AMZ2: variants seen among roughly 807,000 people sequenced by gnomAD.
AMZ2 encodes archaemetzincin-2.
AMZ2 carries 26 observed loss-of-function variants against 36.7 expected under a neutral mutation model. That is an observed-to-expected ratio of 0.71 (90% CI 0.52 to 0.98). The LOEUF is 0.98. Among genes scored for constraint, AMZ2 ranks in the 50% least tolerant of loss-of-function variants. The pLI is 0.00. For missense variants in AMZ2, 394 were observed against 430.5 expected, an observed-to-expected ratio of 0.92 and a Z score of 0.75; for synonymous variants, 144 against 149.1, an observed-to-expected ratio of 0.97 and a Z score of 0.25.
At chr17:68,213,093 A>G (rs1482399954) in intron 1 of AMZ2, among the ~76,000 whole-genome samples, 2 of 152,240 alleles carry the variant, frequency 1.3e-5, no homozygotes, top group African/African-American at 4.8e-5. Flanking sequence ...GAATGTTATC[A>G]TTGATTTAAC....
chr17:68,221,517 C>T (rs2073366465), intron 1 of AMZ2, among the ~76,000 whole-genome samples: 1 of 151,956 alleles, frequency 6.6e-6, no homozygotes, highest in South Asian at 2.1e-4. Flanking sequence ...ACCACGAGGT[C>T]AGGAGATTGA....
intron 4 of AMZ2, among the ~76,000 whole-genome samples, chr17:68,254,021 A>G (rs1479768913): frequency 6.6e-6 from 1 of 152,246 alleles, no homozygotes; most frequent in Non-Finnish European, 1.5e-5. Context: ...CTAGGATTAC[A>G]ATCGTGAGCC....
intron 1 of AMZ2, chr17:68,248,996 C>T (rs1338247686): frequency 1.2e-5 from 12 of 1,004,778 alleles, no homozygotes; most frequent in East Asian, 3.8e-5. Context: ...TCAACTTTTT[C>T]CTTAATTCAA....
intron 1 of AMZ2, among the ~76,000 whole-genome samples, chr17:68,232,787 T>G (rs1555731602): frequency 6.6e-6 from 1 of 151,988 alleles, no homozygotes. Flanking sequence ...GAGGTTTCAG[T>G]GAGCTGAGAT....
intron 1 of AMZ2, among the ~76,000 whole-genome samples, chr17:68,211,159 T>A (rs74252516): frequency 0.071 from 10,789 of 151,732 alleles, 621 homozygotes; most frequent in East Asian, 0.29. Context: ...GGAGGGGAAA[T>A]GGTTGAGTAG....
rs1302323912 is a variant in AMZ2, at chr17:68,254,383, CTGTT to C, written c.587-17_587-14del. On this transcript the variant is annotated splice_polypyrimidine_tract_variant and intron_variant, in intron 4 of 6. Coordinates refer to ENST00000359904, the MANE Select transcript of AMZ2 (RefSeq NM_016627.5). ...CAGGGACCTTACTCTCATTCTGTCA[CTGTT>C]TGTCCTTTTTTTGTAGGTGTGGGGA... The C allele has an allele frequency of 6.2e-7, 1 of 1,601,378 alleles. No individual in the cohort carries two copies. The highest frequency in any genetic ancestry group is 8.5e-7 in the Non-Finnish European group (1 of 1,176,068).
At chr17:68,224,453 T>C (rs1270117685) in intron 1 of AMZ2, among the ~76,000 whole-genome samples, 1 of 152,238 alleles carries the variant, frequency 6.6e-6, no homozygotes, top group South Asian at 2.1e-4. Context: ...GCCTTACCTA[T>C]AACACCTATG....
chr17:68,225,836 C>G (rs1231046032), intron 1 of AMZ2, among the ~76,000 whole-genome samples: 1 of 152,068 alleles, frequency 6.6e-6, no homozygotes, highest in African/African-American at 2.4e-5. Context: ...GTTGTCCAGG[C>G]CGGTCTCGAA....
chr17:68,209,615 T>TAC (rs1555725328), intron 1 of AMZ2, among the ~76,000 whole-genome samples: 1 of 76,472 alleles, frequency 1.3e-5, no homozygotes, highest in Non-Finnish European at 2.4e-5. Flanking sequence ...TATATGTATA[T>TAC]ATATATATAT....
At chr17:68,247,475 T>C (rs116483037), upstream of AMZ2, 2,457 of 255,522 alleles carry the variant, frequency 9.6e-3, 60 homozygotes, top group African/African-American at 0.054. Flanking sequence ...GCTCACGGCC[T>C]CCCCTCAGCA....
In AMZ2 at chr17:68,213,675, T is replaced by G. The variant is rs560476189; in HGVS notation, c.-67+7437T>G. On this transcript the variant is annotated intron_variant, in intron 1 of 7. Transcript: ENST00000674770. ...GTGGGCGTTTTCAATCTGGCAATTG[T>G]GTTTGATTCTGAGAACTTCTCCTGA... 3.9e-5 allele frequency among the ~76,000 whole-genome samples: 6 copies of G among 152,368 alleles called. No homozygotes were observed. In the East Asian group the frequency reaches 1.2e-3, roughly 29 times the overall value.
At position 68,250,812 on chromosome 17, in the gene AMZ2, G is replaced by A; in HGVS notation, c.302G>A (p.Arg101Lys). ...ATTGTAGGCTCTCTAGGAAACACCA[G>A]AATTATCAGTGAAGAATATATTAAA... ...IQSIGSLGNT[R>K]IISEEYIKWL... is the part of the protein sequence containing the mutation. Residue 101 changes from arginine to lysine, a missense_variant, in exon 3 of 7, where the codon AGA becomes AAA. Coordinates refer to ENST00000359904, the MANE Select transcript of AMZ2 (RefSeq NM_016627.5). 1 of 1,581,268 alleles carries A rather than the reference G, an allele frequency of 6.3e-7. No individual in the cohort carries two copies. The highest frequency in any genetic ancestry group is 8.5e-7 in the Non-Finnish European group (1 of 1,171,094).
rs1480927360 is a variant in AMZ2 at position 68,236,195 on chromosome 17, T to TA, written c.-66-12438dup. On this transcript the variant is annotated intron_variant, in intron 1 of 7. Transcript: ENST00000674770. ...ATTATTCAAAATATAAGAGTAATCTTAAAAAAATGTTTTAAAACGTTTTAT... is the reference window on the plus strand; with the variant it reads ...ATTATTCAAAATATAAGAGTAATCTTAAAAAAAATGTTTTAAAACGTTTTAT... Among the ~76,000 whole-genome samples, 8 of 149,168 alleles carry TA rather than the reference T, an allele frequency of 5.4e-5. No individual in the cohort carries two copies. The East Asian group carries it at 1.4e-3, about 26-fold the overall frequency.
intron 1 of AMZ2, among the ~76,000 whole-genome samples, chr17:68,209,582 G>C (rs12451389): frequency 0.22 from 25,079 of 116,260 alleles, 2,080 homozygotes; most frequent in South Asian, 0.24. Flanking sequence ...ATAATTGTGG[G>C]TGTGTGTGTG....
At chr17:68,249,154 G>A in intron 1 of AMZ2, 1 of 1,123,658 alleles carries the variant, frequency 8.9e-7, no homozygotes, top group East Asian at 3.9e-5. Context: ...ATGACTTTGA[G>A]GCCATAAACT....
intron 1 of AMZ2, among the ~76,000 whole-genome samples, chr17:68,237,001 A>G (rs1555732755): frequency 6.6e-6 from 1 of 152,220 alleles, no homozygotes; most frequent in Non-Finnish European, 1.5e-5. Context: ...TCCTTCCATG[A>G]TAATACGCAT....
At chr17:68,241,199 T>C (rs1197792337) in intron 1 of AMZ2, among the ~76,000 whole-genome samples, 1 of 151,780 alleles carries the variant, frequency 6.6e-6, no homozygotes, top group Non-Finnish European at 1.5e-5. Context: ...AAACAAAGAA[T>C]CAGAGAATCA....
intron 1 of AMZ2, among the ~76,000 whole-genome samples, chr17:68,208,798 C>T (rs1555725035): frequency 6.6e-6 from 1 of 151,898 alleles, no homozygotes; most frequent in East Asian, 1.9e-4. Flanking sequence ...CAACTCCAGA[C>T]ACGTCGCCTT....
intron 1 of AMZ2, among the ~76,000 whole-genome samples, chr17:68,221,026 C>T (rs2073342121): frequency 6.6e-6 from 1 of 152,002 alleles, no homozygotes; most frequent in East Asian, 1.9e-4. Flanking sequence ...TCAGGTGATC[C>T]ACCCGCCTCG....
Sources: gnomAD v4.1 joint callset for allele counts (sites outside exome capture counted in the v4.1 genomes callset) on GRCh38, gnomAD v4.1.1 for gene constraint, MANE v1.5 for transcripts, NCBI Gene and HGNC (gene_info 2026-07-23, HGNC 2026-07-21) for gene names.